NAALADL2: variants seen among roughly 807,000 people sequenced by gnomAD.
The protein encoded by NAALADL2 is N-acetylated alpha-linked acidic dipeptidase like 2.
A neutral mutation model predicts 87.2 loss-of-function variants in NAALADL2; 76 were observed. The ratio of observed to expected loss-of-function variants is 0.87; its 90% confidence interval spans 0.72 to 1.05. The LOEUF is 1.05. Ranked by LOEUF, NAALADL2 falls within the 50% of genes least tolerant of loss-of-function variation. The pLI, the probability that NAALADL2 is intolerant of heterozygous loss-of-function variation, is 0.00. For synonymous variants in NAALADL2, 354 were observed against 331.0 expected (o/e 1.07, Z -0.75); for missense variants, 1,089 against 945.8 (o/e 1.15, Z -1.99).
At chr3:174,707,704 T>G (rs1730231079) in intron 2 of NAALADL2, among the ~76,000 whole-genome samples, 1 of 150,210 alleles carries the variant, frequency 6.7e-6, no homozygotes, top group Non-Finnish European at 1.5e-5. Flanking sequence ...GAATGACGAG[T>G]TACTGGGTGC....
intron 13 of NAALADL2, among the ~76,000 whole-genome samples, chr3:175,768,217 T>C (rs764750960): frequency 2.9e-4 from 44 of 152,322 alleles, no homozygotes; most frequent in Non-Finnish European, 4.9e-4. Flanking sequence ...ATAAAACTCG[T>C]GTACCAGGCA....
chr3:175,433,448 G>A (rs540622721), intron 5 of NAALADL2, among the ~76,000 whole-genome samples: 2 of 152,090 alleles, frequency 1.3e-5, no homozygotes, highest in East Asian at 1.9e-4. Flanking sequence ...TGTGCATAGG[G>A]CTATTTGAAG....
intron 13 of NAALADL2, among the ~76,000 whole-genome samples, chr3:175,794,032 C>T (rs1314821766): frequency 6.6e-6 from 1 of 152,124 alleles, no homozygotes; most frequent in Non-Finnish European, 1.5e-5. Context: ...GCTGAATTAC[C>T]TATTTTGTTT....
chr3:174,441,900 A>G (rs539079927), intron 1 of NAALADL2, among the ~76,000 whole-genome samples: 3 of 152,196 alleles, frequency 2.0e-5, no homozygotes, highest in South Asian at 2.1e-4. Flanking sequence ...GTAAAGGATT[A>G]ATTAACTGTG....
At chr3:175,484,975 AACTGTATT>A (rs1727040689) in intron 9 of NAALADL2, among the ~76,000 whole-genome samples, 1 of 152,152 alleles carries the variant, frequency 6.6e-6, no homozygotes, top group Non-Finnish European at 1.5e-5. Context: ...GGGCTTTCCC[AACTGTATT>A]GGTTAAGAAT....
intron 11 of NAALADL2, among the ~76,000 whole-genome samples, chr3:175,645,971 T>C (rs1729952992): frequency 6.6e-6 from 1 of 152,126 alleles, no homozygotes; most frequent in African/African-American, 2.4e-5. Context: ...CTGACAGTGA[T>C]TAGATTAAAA....
chr3:174,986,810 C>T (rs2108682257), intron 1 of NAALADL2, among the ~76,000 whole-genome samples: 1 of 152,170 alleles, frequency 6.6e-6, no homozygotes, highest in Non-Finnish European at 1.5e-5. Flanking sequence ...TAGTGGTAGA[C>T]AAGGGTTAGT....
At chr3:175,762,281 T>G (rs1748136037) in intron 13 of NAALADL2, among the ~76,000 whole-genome samples, 1 of 151,528 alleles carries the variant, frequency 6.6e-6, no homozygotes. Flanking sequence ...CTTTTATTTG[T>G]CATACGATAT....
intron 5 of NAALADL2, among the ~76,000 whole-genome samples, chr3:175,341,481 GT>G (rs1372419639): frequency 6.6e-6 from 1 of 151,970 alleles, no homozygotes; most frequent in Admixed American, 6.6e-5. Context: ...ATACGTTTTT[GT>G]GTGAACATAT....
At chr3:174,911,528 G>C (rs1046584641) in intron 1 of NAALADL2, among the ~76,000 whole-genome samples, 4 of 152,056 alleles carry the variant, frequency 2.6e-5, no homozygotes, top group African/African-American at 9.7e-5. Flanking sequence ...TGCACTGCCT[G>C]CTACAAATTG....
intron 6 of NAALADL2, among the ~76,000 whole-genome samples, chr3:175,458,855 C>A (rs1018695243): frequency 1.3e-5 from 2 of 152,126 alleles, no homozygotes; most frequent in Non-Finnish European, 2.9e-5. Context: ...TTAACTTCCT[C>A]ACTCCACCCA....
chr3:175,662,110 T>A (rs1732339184), intron 11 of NAALADL2, among the ~76,000 whole-genome samples: 1 of 151,952 alleles, frequency 6.6e-6, no homozygotes, highest in East Asian at 1.9e-4. Flanking sequence ...ATTTTCCAAT[T>A]TCCCACGAAC....
rs1326664887 is a variant in NAALADL2, at chr3:175,802,882, T to G, written c.2190-123T>G. 3.7e-5 allele frequency: 19 copies of G among 513,206 alleles called. No homozygotes were observed. In the South Asian group the frequency reaches 4.8e-4, roughly 13 times the overall value. 31.8% of individuals were successfully genotyped at this position (513,206 alleles called of 1,614,324 possible). On this transcript the variant is annotated intron_variant, in intron 13 of 13. Coordinates refer to ENST00000454872, the MANE Select transcript of NAALADL2 (RefSeq NM_207015.3). Reference sequence around the variant, plus strand: ...ATTAGGAGTTGAAAAATCGTGATATTATATTTTTATAATTTATTCATTTAT... The same window carrying G: ...ATTAGGAGTTGAAAAATCGTGATATGATATTTTTATAATTTATTCATTTAT...
intron 1 of NAALADL2, among the ~76,000 whole-genome samples, chr3:174,860,074 A>C (rs1180315191): frequency 2.0e-5 from 3 of 152,046 alleles, no homozygotes; most frequent in African/African-American, 7.2e-5. Context: ...TGTTCACCGA[A>C]ACAAATTTAA....
chr3:175,025,315 C>T (rs978991304), intron 1 of NAALADL2, among the ~76,000 whole-genome samples: 2 of 152,050 alleles, frequency 1.3e-5, no homozygotes, highest in African/African-American at 4.8e-5. Flanking sequence ...GCACTGCCTA[C>T]TAAAAAGCTA....
intron 1 of NAALADL2, among the ~76,000 whole-genome samples, chr3:175,093,991 T>G (rs1720655342): frequency 6.6e-6 from 1 of 152,002 alleles, no homozygotes; most frequent in Non-Finnish European, 1.5e-5. Context: ...CAGTTGGCTT[T>G]TAAATGATTT....
At chr3:174,818,225 G>T (rs969791435) in intron 3 of NAALADL2, among the ~76,000 whole-genome samples, 3 of 152,086 alleles carry the variant, frequency 2.0e-5, no homozygotes, top group African/African-American at 7.2e-5. Flanking sequence ...AAATAGGGGG[G>T]ACAGGTGCCA....
intron 2 of NAALADL2, among the ~76,000 whole-genome samples, chr3:175,108,119 A>G (rs1723542116): frequency 6.6e-6 from 1 of 151,930 alleles, no homozygotes; most frequent in South Asian, 2.1e-4. Context: ...TTGCTTAAAA[A>G]TTGCTTTCCT....
chr3:174,843,113 T>A (rs1308553996), intron 3 of NAALADL2, among the ~76,000 whole-genome samples: 2 of 152,164 alleles, frequency 1.3e-5, no homozygotes, highest in African/African-American at 4.8e-5. Context: ...GTAAGACCAT[T>A]CAAAAGCCTC....
Sources: allele counts gnomAD v4.1 joint callset (sites outside exome capture counted in the v4.1 genomes callset), GRCh38; gene constraint gnomAD v4.1.1; transcripts MANE v1.5; gene names NCBI Gene and HGNC (gene_info 2026-07-23, HGNC 2026-07-21).